CPA6: variants seen among roughly 807,000 people sequenced by gnomAD.
CPA6 encodes the protein carboxypeptidase B.
A neutral mutation model predicts 63.3 loss-of-function variants in CPA6; 58 were observed. That is an observed-to-expected ratio of 0.92 (90% CI 0.74 to 1.14). The LOEUF is 1.14. Ranked by LOEUF, CPA6 falls within the 50% of genes most tolerant of loss-of-function variation. The pLI, the probability that CPA6 is intolerant of heterozygous loss-of-function variation, is 0.00. For synonymous variants in CPA6, 185 were observed against 179.0 expected (o/e 1.03, Z -0.27); for missense variants, 565 against 526.6 (o/e 1.07, Z -0.71).
intron 2 of CPA6, among the ~76,000 whole-genome samples, chr8:67,533,001 T>C (rs1168024305): frequency 1.3e-5 from 2 of 152,210 alleles, no homozygotes; most frequent in East Asian, 1.9e-4. Context: ...ATACTCTTTC[T>C]AGCCAAACAA....
intron 2 of CPA6, among the ~76,000 whole-genome samples, chr8:67,585,100 T>G (rs532680632): frequency 1.4e-4 from 21 of 152,292 alleles, no homozygotes; most frequent in Admixed American, 1.4e-3. Context: ...TATTGAGAAT[T>G]CTATAATAGA....
At chr8:67,713,097 GTGTATATA>G (rs1488513996) in intron 1 of CPA6, among the ~76,000 whole-genome samples, 12 of 60,246 alleles carry the variant, frequency 2.0e-4, no homozygotes, top group East Asian at 1.2e-3. Context: ...GTGTGTGTGT[GTGTATATA>G]TATATATATA....
intron 1 of CPA6, among the ~76,000 whole-genome samples, chr8:67,667,774 A>G (rs995386876): frequency 5.3e-5 from 8 of 152,220 alleles, no homozygotes; most frequent in African/African-American, 1.9e-4. Context: ...GTGGCACAGT[A>G]TAGAATAGGA....
chr8:67,497,015 G>A (rs1333688942), intron 6 of CPA6, among the ~76,000 whole-genome samples: 3 of 152,052 alleles, frequency 2.0e-5, no homozygotes, highest in Admixed American at 6.5e-5. Context: ...CAGGTAATAC[G>A]TAATATTTTG....
intron 8 of CPA6, among the ~76,000 whole-genome samples, chr8:67,475,706 T>C (rs1270711049): frequency 6.6e-6 from 1 of 151,988 alleles, no homozygotes; most frequent in Admixed American, 6.6e-5. Flanking sequence ...TTCTTTCCTT[T>C]CCTTCCCTTC....
chr8:67,569,447 C>CT (rs1813428154), intron 2 of CPA6: 3 of 241,760 alleles, frequency 1.2e-5, no homozygotes, highest in Non-Finnish European at 2.6e-5. Flanking sequence ...ACTGTCTCTG[C>CT]TACGGAGCAT....
chr8:67,435,260 T>C (rs1248298971), intron 8 of CPA6, among the ~76,000 whole-genome samples: 3 of 152,234 alleles, frequency 2.0e-5, no homozygotes, highest in African/African-American at 4.8e-5. Flanking sequence ...CCTGGGCCTG[T>C]CCCTGCGGGG....
chr8:67,471,466 A>T (rs1051961250), intron 8 of CPA6, among the ~76,000 whole-genome samples: 3 of 152,218 alleles, frequency 2.0e-5, no homozygotes, highest in Non-Finnish European at 4.4e-5. Context: ...TGTAAAAAAA[A>T]AATCCCTTTC....
intron 2 of CPA6, among the ~76,000 whole-genome samples, chr8:67,520,450 A>G (rs1162742632): frequency 6.6e-6 from 1 of 152,188 alleles, no homozygotes; most frequent in Admixed American, 6.5e-5. Flanking sequence ...CAGGAATTCT[A>G]TTTTGTTGTG....
intron 1 of CPA6, among the ~76,000 whole-genome samples, chr8:67,660,011 T>G (rs1480841280): frequency 6.6e-6 from 1 of 152,206 alleles, no homozygotes; most frequent in Non-Finnish European, 1.5e-5. Context: ...CTGTAGTCAG[T>G]GTTTTAATAA....
intron 2 of CPA6, among the ~76,000 whole-genome samples, chr8:67,606,779 T>C (rs1391257085): frequency 6.6e-6 from 1 of 152,190 alleles, no homozygotes; most frequent in East Asian, 1.9e-4. Flanking sequence ...TCTAGGAGGT[T>C]CTCCTTTGCC....
At chr8:67,563,951 G>A (rs985682538) in intron 2 of CPA6, among the ~76,000 whole-genome samples, 4 of 152,222 alleles carry the variant, frequency 2.6e-5, no homozygotes, top group South Asian at 2.1e-4. Context: ...TCATTGATAA[G>A]TTGCCTCTTC....
rs757413090 is a variant in CPA6, at chr8:67,500,763, AT to A, written c.636+6023del. ...TCATACCATATACAAAAAAAGATTCATTTTTTTTTTTTTGCAATGAATATCC... is the reference window on the plus strand; with the variant it reads ...TCATACCATATACAAAAAAAGATTCATTTTTTTTTTTTGCAATGAATATCC... On this transcript the variant is annotated intron_variant, in intron 6 of 10. Coordinates refer to ENST00000297770, the MANE Select transcript of CPA6 (RefSeq NM_020361.5). Among the ~76,000 whole-genome samples the A allele has an allele frequency of 8.2e-3, 1,160 of 141,748 alleles. 6 individuals are homozygous for A. Among genetic ancestry groups the A allele is most frequent in the African/African-American group, 0.021 (811 of 39,030 alleles). The allele number at this position is 141,748 out of a possible 152,430, so 93.0% of individuals were successfully genotyped here. A position where few individuals can be genotyped will look rare whatever the true frequency, so the allele number is the denominator to read the frequency against.
chr8:67,634,247 T>A (rs1406081284), intron 1 of CPA6, among the ~76,000 whole-genome samples: 2 of 148,192 alleles, frequency 1.3e-5, no homozygotes, highest in African/African-American at 5.1e-5. Context: ...TGAGACGGAG[T>A]CTCGCTCTGT....
chr8:67,432,110 C>T (rs188299005), intron 9 of CPA6, among the ~76,000 whole-genome samples: 3 of 152,294 alleles, frequency 2.0e-5, no homozygotes, highest in Admixed American at 1.3e-4. Context: ...AATGAGATGA[C>T]TTGGGGCTGG....
intron 1 of CPA6, among the ~76,000 whole-genome samples, chr8:67,723,359 G>T (rs961484779): frequency 1.3e-5 from 2 of 152,094 alleles, no homozygotes; most frequent in African/African-American, 4.8e-5. Flanking sequence ...AGAGACGAGG[G>T]TCTCACCATG....
At chr8:67,733,013 G>T (rs938033354) in intron 1 of CPA6, among the ~76,000 whole-genome samples, 1 of 151,650 alleles carries the variant, frequency 6.6e-6, no homozygotes, top group East Asian at 1.9e-4. Flanking sequence ...CGGCTAACAC[G>T]GTGAAACCCC....
intron 2 of CPA6, among the ~76,000 whole-genome samples, chr8:67,538,512 GTTTTTTTTTTT>G (rs139665944): frequency 2.2e-5 from 2 of 90,790 alleles, no homozygotes; most frequent in South Asian, 4.2e-4. Flanking sequence ...TGCAACCCCT[GTTTTTTTTTTT>G]TTTTTTTTTT....
intron 2 of CPA6, among the ~76,000 whole-genome samples, chr8:67,589,559 G>A (rs1056415638): frequency 5.9e-5 from 9 of 152,268 alleles, no homozygotes; most frequent in African/African-American, 2.2e-4. Context: ...CTAATTTTGT[G>A]AGCTCCTTCA....
Sources: gnomAD v4.1 joint callset for allele counts (sites outside exome capture counted in the v4.1 genomes callset) on GRCh38, gnomAD v4.1.1 for gene constraint, MANE v1.5 for transcripts, NCBI Gene and HGNC (gene_info 2026-07-23, HGNC 2026-07-21) for gene names.